The following PTPRD variants were observed in gnomAD, a reference collection of about 807,000 sequenced individuals.
The protein encoded by PTPRD is receptor-type tyrosine-protein phosphatase delta.
In PTPRD, 34 loss-of-function variants were observed where a neutral mutation model predicts 214.5. That is an observed-to-expected ratio of 0.16 (90% CI 0.12 to 0.21). The LOEUF (loss-of-function observed/expected upper bound fraction) is 0.21. Among genes scored for constraint, PTPRD ranks in the 10% least tolerant of loss-of-function variants. PTPRD has a pLI of 1.00. For synonymous variants in PTPRD, 1,128 were observed against 845.7 expected (o/e 1.33, Z -5.79); for missense variants, 2,545 against 2,398.7 (o/e 1.06, Z -1.27).
chr9:10,611,567 T>G (rs1156706884), intron 2 of PTPRD, among the ~76,000 whole-genome samples: 1 of 152,154 alleles, frequency 6.6e-6, no homozygotes, highest in African/African-American at 2.4e-5. Context: ...TAAAAAGAAA[T>G]GCTACAGCTA....
At chr9:8,644,932 T>G (rs2096655445) in intron 12 of PTPRD, among the ~76,000 whole-genome samples, 2 of 152,106 alleles carry the variant, frequency 1.3e-5, no homozygotes, top group Admixed American at 6.5e-5. Flanking sequence ...TGAGCAAAAC[T>G]TGGATAAAGG....
At chr9:9,944,242 C>A (rs1190695674) in intron 4 of PTPRD, among the ~76,000 whole-genome samples, 1 of 152,126 alleles carries the variant, frequency 6.6e-6, no homozygotes, top group Non-Finnish European at 1.5e-5. Context: ...TCCTTAACAA[C>A]CTATAGTAGA....
At chr9:9,571,157 C>A (rs956431802) in intron 8 of PTPRD, among the ~76,000 whole-genome samples, 5 of 151,366 alleles carry the variant, frequency 3.3e-5, no homozygotes, top group African/African-American at 1.2e-4. Context: ...TATACTGCAA[C>A]CTGTGGCAAA....
intron 10 of PTPRD, among the ~76,000 whole-genome samples, chr9:9,074,409 C>A (rs1193577835): frequency 2.0e-5 from 3 of 152,054 alleles, no homozygotes; most frequent in Admixed American, 2.0e-4. Flanking sequence ...GGAACACTCA[C>A]TAAAACAGAT....
chr9:8,666,530 C>T (rs1316757000), intron 12 of PTPRD, among the ~76,000 whole-genome samples: 1 of 152,186 alleles, frequency 6.6e-6, no homozygotes, highest in Non-Finnish European at 1.5e-5. Flanking sequence ...AAAATTCTAG[C>T]AATAAAATTG....
chr9:8,688,797 A>G (rs2097746084), intron 12 of PTPRD, among the ~76,000 whole-genome samples: 1 of 152,182 alleles, frequency 6.6e-6, no homozygotes, highest in Non-Finnish European at 1.5e-5. Context: ...CAAAAAATAT[A>G]CATCAAACTA....
intron 2 of PTPRD, among the ~76,000 whole-genome samples, chr9:10,493,293 C>G (rs999371461): frequency 1.3e-5 from 2 of 152,070 alleles, no homozygotes; most frequent in East Asian, 1.9e-4. Flanking sequence ...ATAGCCATAA[C>G]AATCCTAAGC....
Position 10,062,466 on chromosome 9 carries a change from C to T in PTPRD, c.-544-28676G>A, listed in dbSNP as rs566679143. ...ACTAAAAATACAAAAAATAGCTGGG[C>T]GTGGTGGCAGCAGCCTGTAATCACA... On this transcript the variant is annotated intron_variant, in intron 3 of 45. Coordinates refer to ENST00000381196, the MANE Select transcript of PTPRD (RefSeq NM_002839.4). 2.6e-5 allele frequency among the ~76,000 whole-genome samples: 4 copies of T among 151,964 alleles called. No individual in the cohort carries two copies. In the South Asian group the frequency reaches 6.2e-4, roughly 24 times the overall value.
chr9:9,167,413 T>G (rs1287707706), intron 10 of PTPRD, among the ~76,000 whole-genome samples: 1 of 151,514 alleles, frequency 6.6e-6, no homozygotes, highest in African/African-American at 2.4e-5. Context: ...AACTTTGGAA[T>G]AAAAATGATT....
chr9:10,550,790 T>C (rs1409423291), intron 2 of PTPRD, among the ~76,000 whole-genome samples: 1 of 152,228 alleles, frequency 6.6e-6, no homozygotes, highest in Non-Finnish European at 1.5e-5. Flanking sequence ...CTTCTGAAAT[T>C]GGTTGGGCAA....
At chr9:10,597,187 G>A (rs558664653) in intron 2 of PTPRD, among the ~76,000 whole-genome samples, 55 of 151,416 alleles carry the variant, frequency 3.6e-4, no homozygotes, top group Non-Finnish European at 6.5e-4. Context: ...AGGTAAGTTA[G>A]GACATAAAAG....
chr9:9,267,361 A>G (rs1027499868), intron 9 of PTPRD, among the ~76,000 whole-genome samples: 1 of 151,306 alleles, frequency 6.6e-6, no homozygotes, highest in Admixed American at 6.6e-5. Context: ...ATGAAGAAAT[A>G]GATAACCTGA....
chr9:10,052,184 G>A (rs2097547167), intron 3 of PTPRD, among the ~76,000 whole-genome samples: 2 of 152,010 alleles, frequency 1.3e-5, no homozygotes, highest in Non-Finnish European at 2.9e-5. Flanking sequence ...TATTTACATT[G>A]TAATCTGATC....
At chr9:10,266,233 A>C (rs1459540394) in intron 3 of PTPRD, among the ~76,000 whole-genome samples, 1 of 152,174 alleles carries the variant, frequency 6.6e-6, no homozygotes, top group Non-Finnish European at 1.5e-5. Flanking sequence ...GCAAAATTAT[A>C]AACCAAGCAA....
intron 11 of PTPRD, among the ~76,000 whole-genome samples, chr9:8,747,089 T>TG (rs2092910948): frequency 6.6e-6 from 1 of 152,212 alleles, no homozygotes; most frequent in East Asian, 1.9e-4. Context: ...CTATCTTTTG[T>TG]GGTGTACCTA....
chr9:10,031,028 T>A (rs148480105), intron 4 of PTPRD, among the ~76,000 whole-genome samples: 1 of 152,144 alleles, frequency 6.6e-6, no homozygotes, highest in Non-Finnish European at 1.5e-5. Context: ...AGAGCAAAAT[T>A]GATTAATCTA....
At chr9:9,615,347 C>T (rs1169387914) in intron 7 of PTPRD, among the ~76,000 whole-genome samples, 2 of 152,162 alleles carry the variant, frequency 1.3e-5, no homozygotes, top group South Asian at 2.1e-4. Context: ...TCCTCACCTG[C>T]TGGCACTGCA....
intron 5 of PTPRD, among the ~76,000 whole-genome samples, chr9:9,786,438 A>G (rs2098924690): frequency 6.6e-6 from 1 of 152,276 alleles, no homozygotes; most frequent in Non-Finnish European, 1.5e-5. Context: ...ATGAGGTCAT[A>G]TAAGCATAAG....
At chr9:9,929,507 C>T (rs925216552) in intron 5 of PTPRD, among the ~76,000 whole-genome samples, 3 of 152,156 alleles carry the variant, frequency 2.0e-5, no homozygotes. Context: ...GATTCTTCTG[C>T]CTCAGCCTCC....
Sources: gnomAD v4.1 joint callset for allele counts (sites outside exome capture counted in the v4.1 genomes callset) on GRCh38, gnomAD v4.1.1 for gene constraint, MANE v1.5 for transcripts, NCBI Gene and HGNC (gene_info 2026-07-23, HGNC 2026-07-21) for gene names.